PEBP4: variants seen among roughly 807,000 people sequenced by gnomAD.
PEBP4 encodes the protein phosphatidylethanolamine-binding protein 4.
PEBP4 carries 22 observed loss-of-function variants against 23.9 expected under a neutral mutation model. The observed-to-expected ratio is 0.92, with a 90% CI of 0.66 to 1.31. The LOEUF is 1.31. PEBP4 is among the 40% of genes most tolerant of loss of function. The probability of loss-of-function intolerance (pLI) is 0.00; values close to 1 mark genes in which losing one functional copy is unlikely to be tolerated. For missense variants in PEBP4, 324 were observed against 281.7 expected (o/e 1.15, Z -1.07); for synonymous variants, 112 against 99.3 (o/e 1.13, Z -0.76).
At chr8:22,876,565 A>AGGCACTACCAGTGATGAC (rs1265001007) in intron 3 of PEBP4, among the ~76,000 whole-genome samples, 2 of 152,212 alleles carry the variant, frequency 1.3e-5, no homozygotes, top group Non-Finnish European at 2.9e-5. Context: ...CCAGTGATGA[A>AGGCACTACCAGTGATGAC]GGCACTACCA....
chr8:22,906,736 A>T (rs199852629), intron 3 of PEBP4, among the ~76,000 whole-genome samples: 21,573 of 152,194 alleles, frequency 0.14, 1,762 homozygotes, highest in Middle Eastern at 0.2. Flanking sequence ...CATGTGTTCA[A>T]CAAATATTTA....
intron 3 of PEBP4, chr8:22,878,119 T>C (rs1172500775): frequency 6.6e-6 from 1 of 151,688 alleles, no homozygotes; most frequent in Non-Finnish European, 1.5e-5. Flanking sequence ...AACTCCCCAG[T>C]CTGCTGTGCT....
intron 3 of PEBP4, among the ~76,000 whole-genome samples, chr8:22,851,539 C>T (rs976909067): frequency 6.6e-6 from 1 of 152,086 alleles, no homozygotes; most frequent in African/African-American, 2.4e-5. Context: ...GCAACTTGCC[C>T]AAGACCACAC....
At chr8:22,907,152 C>T (rs1336948239) in intron 3 of PEBP4, among the ~76,000 whole-genome samples, 2 of 152,064 alleles carry the variant, frequency 1.3e-5, no homozygotes. Context: ...AAAGCATGCC[C>T]CATGCAGTCA....
chr8:22,884,239 C>T (rs1808324791), intron 3 of PEBP4: 1 of 152,162 alleles, frequency 6.6e-6, no homozygotes, highest in Admixed American at 6.5e-5. Context: ...CTGGTTCTAC[C>T]ACCTAGTTAG....
chr8:22,756,060 AGATTCAGCGG>A (rs1179613922), intron 4 of PEBP4: 5 of 152,268 alleles, frequency 3.3e-5, no homozygotes, highest in African/African-American at 1.2e-4. Flanking sequence ...GTATCATAAT[AGATTCAGCGG>A]GGAAGTTGGC....
intron 4 of PEBP4, among the ~76,000 whole-genome samples, chr8:22,737,393 G>A (rs1025668213): frequency 2.0e-5 from 3 of 151,708 alleles, no homozygotes; most frequent in Admixed American, 6.6e-5. Context: ...TGTTTATGTC[G>A]TGGCCATCAG....
chr8:22,927,069 C>A (rs866417400), intron 2 of PEBP4, among the ~76,000 whole-genome samples: 3 of 152,212 alleles, frequency 2.0e-5, no homozygotes, highest in Non-Finnish European at 2.9e-5. Flanking sequence ...AGGGAAGAAG[C>A]CAGCCTCGTC....
intron 3 of PEBP4, among the ~76,000 whole-genome samples, chr8:22,897,503 G>A (rs1808612201): frequency 6.6e-6 from 1 of 152,084 alleles, no homozygotes; most frequent in Admixed American, 6.6e-5. Context: ...TCTGGTTTTA[G>A]TATGTGTAAA....
chr8:22,811,880 A>G (rs1533308), intron 4 of PEBP4, among the ~76,000 whole-genome samples: 64,460 of 152,102 alleles, frequency 0.42, 14,248 homozygotes, highest in East Asian at 0.69. Context: ...CTTGAGTCCA[A>G]TTGTCTAAGG....
chr8:22,898,966 T>C (rs1414527787), intron 3 of PEBP4, among the ~76,000 whole-genome samples: 2 of 152,196 alleles, frequency 1.3e-5, no homozygotes, highest in Admixed American at 1.3e-4. Flanking sequence ...TAGTCCCTGC[T>C]GTGGATAGTT....
chr8:22,899,111 A>G (rs894267582), intron 3 of PEBP4, among the ~76,000 whole-genome samples: 3 of 152,204 alleles, frequency 2.0e-5, no homozygotes, highest in African/African-American at 7.2e-5. Context: ...TCATCTGGAA[A>G]ATGGGGGAAG....
chr8:22,901,206 C>G (rs764375638), intron 3 of PEBP4, among the ~76,000 whole-genome samples: 1 of 152,248 alleles, frequency 6.6e-6, no homozygotes, highest in Admixed American at 6.5e-5. Context: ...GGTGGGGCAG[C>G]TGGTGAAACA....
chr8:22,813,326 A>G lies in PEBP4; in HGVS notation c.357+4311T>C, dbSNP rs538327622. 2.0e-5 allele frequency among the ~76,000 whole-genome samples: 3 copies of G among 152,348 alleles called. No individual in the cohort carries two copies. The South Asian group carries it at 6.2e-4, about 32-fold the overall frequency. On this transcript the variant is annotated intron_variant, in intron 4 of 6. Coordinates refer to ENST00000256404, the MANE Select transcript of PEBP4 (RefSeq NM_144962.3). ...AAAAGATATTCAGGGCAAATTTTAG[A>G]ATCATTGACGGTTTCTAGGAAGATT... is the stretch of plus-strand genomic sequence containing the variant.
chr8:22,721,698 C>A (rs1804521700), intron 6 of PEBP4, among the ~76,000 whole-genome samples: 1 of 152,156 alleles, frequency 6.6e-6, no homozygotes, highest in Admixed American at 6.5e-5. Flanking sequence ...TTATACCACA[C>A]TGCCCCCCTC....
At chr8:22,722,449 AC>A (rs1266722206) in intron 6 of PEBP4, among the ~76,000 whole-genome samples, 3 of 152,112 alleles carry the variant, frequency 2.0e-5, no homozygotes, top group Non-Finnish European at 4.4e-5. Context: ...ACAATAAAAC[AC>A]CTTTATATCC....
chr8:22,937,772 A>G (rs1383379222), intron 1 of PEBP4, among the ~76,000 whole-genome samples: 1 of 144,308 alleles, frequency 6.9e-6, no homozygotes, highest in Admixed American at 7.1e-5. Flanking sequence ...CCAGAAATAA[A>G]CCCTCATATG....
chr8:22,934,406 G>A (rs1809506508), intron 1 of PEBP4, among the ~76,000 whole-genome samples: 1 of 152,136 alleles, frequency 6.6e-6, no homozygotes, highest in African/African-American at 2.4e-5. Flanking sequence ...GATGTTATAT[G>A]TAATTCCCAT....
At chr8:22,886,150 A>T (rs762502044) in intron 3 of PEBP4, 7 of 152,212 alleles carry the variant, frequency 4.6e-5, no homozygotes, top group Non-Finnish European at 5.9e-5. Context: ...AGGACTGTCA[A>T]ATGAGTAAGC....
Sources: allele counts gnomAD v4.1 joint callset (sites outside exome capture counted in the v4.1 genomes callset), GRCh38; gene constraint gnomAD v4.1.1; transcripts MANE v1.5; gene names NCBI Gene and HGNC (gene_info 2026-07-23, HGNC 2026-07-21).